Variants in AMACR observed in about 807,000 individuals in gnomAD.
The protein encoded by AMACR is alpha-methylacyl-CoA racemase.
Under a neutral mutation model 22.2 loss-of-function variants are expected in AMACR, and 18 were observed. The ratio of observed to expected loss-of-function variants is 0.81; its 90% CI spans 0.56 to 1.20. AMACR has a LOEUF of 1.20. Ranked by LOEUF, AMACR falls within the 50% of genes most tolerant of loss-of-function variation. The pLI, the probability that AMACR is intolerant of heterozygous loss-of-function variation, is 0.00. For missense variants in AMACR, 499 were observed against 490.6 expected (o/e 1.02, Z -0.16); for synonymous variants, 213 against 191.3 (o/e 1.11, Z -0.94).
At chr5:33,999,511 C>T (rs1753745961) in intron 3 of AMACR, among the ~76,000 whole-genome samples, 1 of 152,198 alleles carries the variant, frequency 6.6e-6, no homozygotes, top group African/African-American at 2.4e-5. Flanking sequence ...CCACTGAGTC[C>T]TGAAGTAATT....
chr5:33,991,547 T>C (rs1753474078), intron 4 of AMACR, among the ~76,000 whole-genome samples: 1 of 151,994 alleles, frequency 6.6e-6, no homozygotes, highest in Non-Finnish European at 1.5e-5. Context: ...GAAAGCATGT[T>C]TTGATTCCAA....
chr5:34,006,479 T>C (rs1024627466), intron 1 of AMACR, among the ~76,000 whole-genome samples: 1 of 152,196 alleles, frequency 6.6e-6, no homozygotes, highest in Non-Finnish European at 1.5e-5. Context: ...ACCTGAAATT[T>C]CCTGGGATTA....
intron 1 of AMACR, among the ~76,000 whole-genome samples, chr5:34,006,410 G>A (rs1006056137): frequency 4.6e-5 from 7 of 152,180 alleles, no homozygotes; most frequent in Non-Finnish European, 1.0e-4. Flanking sequence ...AATAGCACCT[G>A]AGAGTTTTTA....
At chr5:34,006,937 T>C (rs976892924) in intron 1 of AMACR, among the ~76,000 whole-genome samples, 1 of 152,228 alleles carries the variant, frequency 6.6e-6, no homozygotes, top group African/African-American at 2.4e-5. Flanking sequence ...TAAAAGGCTG[T>C]CACACCAGTG....
intron 4 of AMACR, among the ~76,000 whole-genome samples, chr5:33,998,123 C>T (rs901281602): frequency 1.3e-5 from 2 of 152,224 alleles, no homozygotes; most frequent in African/African-American, 4.8e-5. Flanking sequence ...TAATTTATGA[C>T]AACTTGCCAA....
At chr5:33,997,486 G>C in intron 4 of AMACR, 1 of 779,872 alleles carries the variant, frequency 1.3e-6, no homozygotes, top group African/African-American at 1.7e-5. Context: ...ACTGCTTCCT[G>C]TTGTATTTTC....
Position 34,007,855 on chromosome 5 carries a change from C to G in AMACR, c.165G>C (p.Leu55=). Residue 55 remains leucine, a synonymous_variant, in exon 1 of 5, where the codon CTG becomes CTC. Coordinates refer to ENST00000335606, the MANE Select transcript of AMACR (RefSeq NM_014324.6). The stretch of plus-strand genomic sequence containing the variant: ...CGGCTCCCCGCGGCTGCTTCAGGTC[C>G]AGCACTAGCGAGCGCTTGCCCCGGC... The part of the protein sequence containing the change: ...RLGRGKRSLV[L]DLKQPRGAAV... 6.3e-7 allele frequency: 1 copy of G among 1,584,552 alleles called. No individual in the cohort carries two copies. The highest frequency in any genetic ancestry group is 8.6e-7 in the Non-Finnish European group (1 of 1,168,150).
At chr5:34,000,060 T>A (rs1475591085) in intron 3 of AMACR, among the ~76,000 whole-genome samples, 1 of 152,238 alleles carries the variant, frequency 6.6e-6, no homozygotes, top group Non-Finnish European at 1.5e-5. Flanking sequence ...TCATTAACAT[T>A]TGTTGCTAGA....
Position 33,989,391 on chromosome 5 carries a change from C to T in AMACR, c.851G>A (p.Cys284Tyr). The change falls in exon 5 of 5, where the codon TGT (cysteine) becomes TAT (tyrosine). Residue 284 changes from cysteine to tyrosine, a missense_variant. Transcript: ENST00000335606. ...VFAEKTKAEW[C>Y]QIFDGTDACV... ...GGCATCTGTGCCGTCAAAGATTTGA[C>T]ACCACTCTGCCTTCGTCTTCTCTGC... 1.9e-6 allele frequency: 3 copies of T among 1,614,208 alleles called. No individual in the cohort carries two copies. Among genetic ancestry groups the T allele is most frequent in the East Asian group, 4.5e-5 (2 of 44,884 alleles).
At chr5:33,992,706 T>C (rs1310444612) in intron 4 of AMACR, among the ~76,000 whole-genome samples, 1 of 152,152 alleles carries the variant, frequency 6.6e-6, no homozygotes, top group East Asian at 1.9e-4. Flanking sequence ...TAAGTCCTTG[T>C]CTCAAAAAAA....
At chr5:33,997,841 G>T in intron 4 of AMACR, 1 of 330,824 alleles carries the variant, frequency 3.0e-6, no homozygotes, top group Non-Finnish European at 5.4e-6. Flanking sequence ...TCAAAAATTT[G>T]GAAAATTTAA....
chr5:33,995,535 A>G (rs1056585258), intron 4 of AMACR, among the ~76,000 whole-genome samples: 1 of 152,248 alleles, frequency 6.6e-6, no homozygotes, highest in African/African-American at 2.4e-5. Flanking sequence ...TAAGTGCTTA[A>G]TTAAGATGGA....
At chr5:33,993,419 C>T (rs1753542502) in intron 4 of AMACR, among the ~76,000 whole-genome samples, 1 of 152,080 alleles carries the variant, frequency 6.6e-6, no homozygotes, top group Admixed American at 6.5e-5. Flanking sequence ...TCACTGCCTC[C>T]AATTCTTTTG....
intron 4 of AMACR, chr5:33,994,187 G>A (rs1206448335): frequency 7.6e-6 from 3 of 392,944 alleles, no homozygotes; most frequent in African/African-American, 6.2e-5. Context: ...TACTATTATT[G>A]TTGTTGTTTT....
At position 33,988,546 on chromosome 5, in the gene AMACR, T is replaced by G. The variant is rs1406418117; in HGVS notation, c.*547A>C. The G allele has an allele frequency of 1.4e-6, 2 of 1,384,682 alleles. No homozygotes were observed. The highest frequency in any genetic ancestry group is 1.9e-6 in the Non-Finnish European group (2 of 1,072,998). The allele number at this position is 1,384,682 out of a possible 1,614,324, so 85.8% of individuals were successfully genotyped here. On this transcript the variant is annotated 3_prime_UTR_variant, in exon 5 of 5. Coordinates refer to ENST00000335606, the MANE Select transcript of AMACR (RefSeq NM_014324.6). ...TTTTTTCAGTTGAAGGCATTCTGAT[T>G]CAATACAGGTGAAACTTTTCTTTGC...
In AMACR at chr5:34,007,828, G is replaced by T; in HGVS notation, c.192C>A (p.Ala64=). ...ACCGCTTGCACAGACGCCGCAGCACGGCGGCTCCCCGCGGCTGCTTCAGGT... is the reference window on the plus strand; with the variant it reads ...ACCGCTTGCACAGACGCCGCAGCACTGCGGCTCCCCGCGGCTGCTTCAGGT... ...VLDLKQPRGA[A]VLRRLCKRSD... Residue 64 remains alanine, a synonymous_variant, in exon 1 of 5, where the codon GCC becomes GCA. Coordinates refer to ENST00000335606, the MANE Select transcript of AMACR (RefSeq NM_014324.6). The T allele has an allele frequency of 6.3e-7, 1 of 1,578,452 alleles. No homozygotes were observed. Among genetic ancestry groups the T allele is most frequent in the Non-Finnish European group, 8.6e-7 (1 of 1,165,946 alleles).
chr5:33,995,630 C>G (rs796914793), intron 4 of AMACR, among the ~76,000 whole-genome samples: 8 of 152,316 alleles, frequency 5.3e-5, no homozygotes, highest in African/African-American at 1.9e-4. Flanking sequence ...TCTGCAGTTT[C>G]AGGCACCCAC....
At chr5:33,999,008 TA>T (rs1421476371) in intron 3 of AMACR, among the ~76,000 whole-genome samples, 181 bp from the exon 4 acceptor site, 1 of 152,228 alleles carries the variant, frequency 6.6e-6, no homozygotes, top group Non-Finnish European at 1.5e-5. Context: ...CAGTTTGTGT[TA>T]AAATAACAAT....
At position 33,989,058 on chromosome 5, in the gene AMACR, A is replaced by G; in HGVS notation, c.*35T>C. 1 of 1,613,646 alleles carries G rather than the reference A, an allele frequency of 6.2e-7. No homozygotes were observed. The highest frequency in any genetic ancestry group is 2.2e-5 in the East Asian group (1 of 44,876). On this transcript the variant is annotated 3_prime_UTR_variant, in exon 5 of 5. Transcript: ENST00000335606. ...ATGTGTTACTCTACACTGTAAATGC[A>G]GTATTCAAATTCACTTGAGCCGTGG...
Sources: gnomAD v4.1 joint callset for allele counts (sites outside exome capture counted in the v4.1 genomes callset) on GRCh38, gnomAD v4.1.1 for gene constraint, MANE v1.5 for transcripts, NCBI Gene and HGNC (gene_info 2026-07-23, HGNC 2026-07-21) for gene names.